The following ZNF287 variants were observed in gnomAD, a reference collection of about 807,000 sequenced individuals.
ZNF287 encodes zinc finger protein with KRAB and SCAN domains 13.
In ZNF287, 31 loss-of-function variants were observed where a neutral mutation model predicts 73.7. The observed-to-expected ratio is 0.42, with a 90% CI of 0.32 to 0.57. The LOEUF is 0.57. Among genes scored for constraint, ZNF287 ranks in the 20% least tolerant of loss-of-function variants. The pLI, the probability that ZNF287 is intolerant of heterozygous loss-of-function variation, is 0.13. For synonymous variants in ZNF287, 301 were observed against 307.2 expected (o/e 0.98, Z 0.21); for missense variants, 641 against 909.3 (o/e 0.70, Z 3.79).
chr17:16,566,201 A>G (rs1020620247), intron 3 of ZNF287, among the ~76,000 whole-genome samples: 2 of 152,234 alleles, frequency 1.3e-5, no homozygotes, highest in African/African-American at 4.8e-5. Flanking sequence ...GAGGTTAAGT[A>G]TCTTGTCCCA....
At chr17:16,568,516 G>C (rs888107092) in intron 1 of ZNF287, among the ~76,000 whole-genome samples, 1 of 152,148 alleles carries the variant, frequency 6.6e-6, no homozygotes, top group Non-Finnish European at 1.5e-5. Context: ...GCTTCTATAG[G>C]AGACAGTTCT....
Position 16,552,158 on chromosome 17 carries a change from T to C in ZNF287, c.1984A>G (p.Asn662Asp). ...ICGKAYRQGA[N>D]LTQHQRIHTG... ...TGAATCCTTTGATGCTGAGTAAGAT[T>C]TGCGCCTTGTCTATATGCTTTCCCA... Residue 662 changes from asparagine to aspartate, a missense_variant, in exon 6 of 6, where the codon AAT (asparagine) becomes GAT (aspartate). Asn to Asp is a conservative substitution (Grantham distance 23). Around this residue, in one of 2 missense-constraint regions of ZNF287, gnomAD observed 284 missense variants for 466.8 expected, o/e 0.61. Transcript: ENST00000395825. This position sits in a 1 kb window ranked among gnomAD's most constrained non-coding sequence, Gnocchi z 6.5. The C allele has an allele frequency of 6.2e-7, 1 of 1,614,060 alleles. No homozygotes were observed. The highest frequency in any genetic ancestry group is 8.5e-7 in the Non-Finnish European group (1 of 1,179,976).
At chr17:16,567,979 C>G in intron 1 of ZNF287, 50 bp from the exon 2 acceptor site, 1 of 1,353,196 alleles carries the variant, frequency 7.4e-7, no homozygotes. Context: ...GTGTACTCTA[C>G]TATACATATA....
rs1332999638 is a variant in ZNF287, at chr17:16,553,286, T to C, written c.856A>G (p.Lys286Glu). ...AAACCTCTTTCATCAGTGTGAATTT[T>C]CCAGAAGCCACCTTTTCCTCGCCTC... ...LERRGKGGFWKIHTDERGFSL... is the reference protein window; with the variant it reads ...LERRGKGGFWEIHTDERGFSL... Residue 286 changes from lysine (K) to glutamate (E), a missense_variant, in exon 6 of 6, where the codon AAA becomes GAA. Lys to Glu is a moderately conservative substitution (Grantham distance 56, BLOSUM62 1). This residue lies in a region of ZNF287 where 357 missense variants were observed against 442.4 expected (regional missense o/e 0.81). Transcript: ENST00000395825. The C allele has an allele frequency of 6.2e-7, 1 of 1,613,868 alleles. No individual in the cohort carries two copies. Among genetic ancestry groups the C allele is most frequent in the African/African-American group, 1.3e-5 (1 of 74,938 alleles).
At position 16,551,889 on chromosome 17, in the gene ZNF287, T is replaced by C. The variant is rs757741907; in HGVS notation, c.2253A>G (p.Gln751=). 2.9e-5 allele frequency: 46 copies of C among 1,608,498 alleles called. No homozygotes were observed. The highest frequency in any genetic ancestry group is 1.6e-4 in the East Asian group (7 of 44,786). Residue 751 remains glutamine (Q), a synonymous_variant, in exon 6 of 6, where the codon CAA becomes CAG. Coordinates refer to ENST00000395825, the MANE Select transcript of ZNF287 (RefSeq NM_020653.4). ...GATGTTTGGCACCTGTATGAACACG[T>C]TGATGCTGAATAAGGTTTGTACTCT... is the stretch of plus-strand genomic sequence containing the variant. The part of the protein sequence containing the change: ...FTQSTNLIQH[Q]RVHTGAKHRN
intron 5 of ZNF287, among the ~76,000 whole-genome samples, chr17:16,557,474 C>T (rs1022292477): frequency 2.6e-5 from 4 of 152,086 alleles, no homozygotes; most frequent in African/African-American, 9.7e-5. Context: ...ACCAATACTA[C>T]TATTCTGTTT....
intron 5 of ZNF287, among the ~76,000 whole-genome samples, chr17:16,560,168 G>T (rs1488814849): frequency 2.6e-5 from 4 of 151,686 alleles, no homozygotes; most frequent in Non-Finnish European, 5.9e-5. Flanking sequence ...TACCATGTTG[G>T]ACAGGCTGGT....
rs1010759832 is a variant in ZNF287, at chr17:16,551,593, G to A, written c.*263C>T. 23 of 404,942 alleles carry A rather than the reference G, an allele frequency of 5.7e-5. No individual in the cohort carries two copies. In the Admixed American group the frequency reaches 7.2e-4, roughly 13 times the overall value. 25.1% of individuals were successfully genotyped at this position (404,942 alleles called of 1,614,324 possible). On this transcript the variant is annotated 3_prime_UTR_variant, in exon 6 of 6. Transcript: ENST00000395825. ...TGTACTTGAAATAGAGAGTTGATGA[G>A]TTATGTTTTTGAATACCCTTCACAG...
rs758717747 is a variant in ZNF287, at chr17:16,567,531, C to T, written c.201G>A (p.Leu67=). The T allele has an allele frequency of 2.0e-5, 33 of 1,614,064 alleles. No homozygotes were observed. In the East Asian group the frequency reaches 7.1e-4, roughly 35 times the overall value. Residue 67 remains leucine, a synonymous_variant, in exon 2 of 6, where the codon TTG becomes TTA. Transcript: ENST00000395825. ...TAAGGCAGAGCTCTCGGAGTTGACT[C>T]AATGCCTTTCGAGGACCAGCCAGGT... is the stretch of plus-strand genomic sequence containing the variant. ...YPDLAGPRKA[L]SQLRELCLKW...
In ZNF287 at chr17:16,551,796, G is replaced by C; in HGVS notation, c.*60C>G. 6.6e-7 allele frequency: 1 copy of C among 1,520,854 alleles called. No homozygotes were observed. 94.2% of individuals were successfully genotyped at this position (1,520,854 alleles called of 1,614,324 possible). On this transcript the variant is annotated 3_prime_UTR_variant, in exon 6 of 6. Coordinates refer to ENST00000395825, the MANE Select transcript of ZNF287 (RefSeq NM_020653.4). Reference sequence around the variant, plus strand: ...CTTCTTCTGAATGTTCTGACACATAGAATGCACAAAACAAAATTGAAACAA... The same window carrying C: ...CTTCTTCTGAATGTTCTGACACATACAATGCACAAAACAAAATTGAAACAA...
chr17:16,568,392 C>T (rs1257920109), intron 1 of ZNF287, among the ~76,000 whole-genome samples: 1 of 152,108 alleles, frequency 6.6e-6, no homozygotes, highest in East Asian at 1.9e-4. Context: ...CATTTATCTG[C>T]GTTGCATGTT....
intron 5 of ZNF287, among the ~76,000 whole-genome samples, chr17:16,560,591 G>A (rs113291575): frequency 0.018 from 2,702 of 150,652 alleles, 81 homozygotes; most frequent in African/African-American, 0.062. Context: ...TTCGTGATCC[G>A]CCCACCTTGG....
Position 16,552,767 on chromosome 17 carries a change from T to C in ZNF287, c.1375A>G (p.Lys459Glu). Reference protein sequence around the residue: ...EKPYKCDDCGKDFSQRAHLTI... With the variant: ...EKPYKCDDCGEDFSQRAHLTI... Reference sequence around the variant, plus strand: ...AGGTGTGCACGCTGACTGAAGTCTTTCCCACAGTCATCACACTTATAGGGT... The same window carrying C: ...AGGTGTGCACGCTGACTGAAGTCTTCCCCACAGTCATCACACTTATAGGGT... Residue 459 changes from lysine (K) to glutamate (E), a missense_variant, in exon 6 of 6, where the codon AAA becomes GAA. Lys to Glu is a moderately conservative substitution (Grantham distance 56). Transcript: ENST00000395825. The surrounding 1 kb of genome is among the most constrained non-coding windows in gnomAD (Gnocchi z 6.5). 6.2e-7 allele frequency: 1 copy of C among 1,614,106 alleles called. No individual in the cohort carries two copies. Among genetic ancestry groups the C allele is most frequent in the Non-Finnish European group, 8.5e-7 (1 of 1,179,982 alleles).
In ZNF287 at chr17:16,552,147, CTGAG is replaced by C. The variant is rs1377367964; in HGVS notation, c.1991_1994del (p.Thr664SerfsTer100). 2 of 1,613,830 alleles carry C rather than the reference CTGAG, an allele frequency of 1.2e-6. No homozygotes were observed. Among genetic ancestry groups the C allele is most frequent in the East Asian group, 2.2e-5 (1 of 44,856 alleles). ...TTTCTCCAGTATGAATCCTTTGATGCTGAGTAAGATTTGCGCCTTGTCTATATGC... is the reference window on the plus strand; with the variant it reads ...TTTCTCCAGTATGAATCCTTTGATGCTAAGATTTGCGCCTTGTCTATATGC... On this transcript the variant is annotated frameshift_variant, in exon 6 of 6. Coordinates refer to ENST00000395825, the MANE Select transcript of ZNF287 (RefSeq NM_020653.4). LOFTEE classifies it high-confidence loss of function. The surrounding 1 kb of genome is among the most constrained non-coding windows in gnomAD (Gnocchi z 6.5).
chr17:16,563,113 T>C (rs1346403652), intron 5 of ZNF287, 33 bp downstream of exon 5: 5 of 1,495,790 alleles, frequency 3.3e-6, no homozygotes, highest in Non-Finnish European at 3.7e-6. Flanking sequence ...GATTCTTAAA[T>C]ACAAAGAAGC....
intron 5 of ZNF287, among the ~76,000 whole-genome samples, chr17:16,560,378 C>T (rs1033623426): frequency 6.8e-6 from 1 of 147,194 alleles, no homozygotes; most frequent in Non-Finnish European, 1.5e-5. Context: ...GAGGTGGAGT[C>T]TAGCTCTGTT....
At chr17:16,564,936 C>G (rs1275782837) in intron 3 of ZNF287, among the ~76,000 whole-genome samples, 1 of 152,050 alleles carries the variant, frequency 6.6e-6, no homozygotes, top group African/African-American at 2.4e-5. Flanking sequence ...CCAGGCTGGT[C>G]TCCAAACTCC....
At chr17:16,556,628 C>G (rs1907089490) in intron 5 of ZNF287, among the ~76,000 whole-genome samples, 1 of 151,906 alleles carries the variant, frequency 6.6e-6, no homozygotes, top group South Asian at 2.1e-4. Flanking sequence ...TTGTTATTCC[C>G]CTCCCCAGAA....
At chr17:16,558,074 C>T (rs1907191843) in intron 5 of ZNF287, 1 of 152,160 alleles carries the variant, frequency 6.6e-6, no homozygotes, top group African/African-American at 2.4e-5. Context: ...CTAATCCAGG[C>T]TTATTTCCAT....
Sources: allele counts gnomAD v4.1 joint callset (sites outside exome capture counted in the v4.1 genomes callset), GRCh38; gene constraint gnomAD v4.1.1; regional missense constraint gnomAD v4.1.1; non-coding constraint Gnocchi (gnomAD v3.1); transcripts MANE v1.5; gene names NCBI Gene and HGNC (gene_info 2026-07-23, HGNC 2026-07-21).